ZFP82: variants seen among roughly 807,000 people sequenced by gnomAD.
ZFP82 encodes the protein zinc finger protein 82 homolog.
Under a neutral mutation model 54.0 loss-of-function variants are expected in ZFP82, and 30 were observed. The ratio of observed to expected loss-of-function variants is 0.56; its 90% CI spans 0.42 to 0.75. The LOEUF (loss-of-function observed/expected upper bound fraction) is 0.75. Among genes scored for constraint, ZFP82 ranks in the 30% least tolerant of loss-of-function variants. The pLI, the probability that ZFP82 is intolerant of heterozygous loss-of-function variation, is 0.00. For synonymous variants in ZFP82, 194 were observed against 209.5 expected, an observed-to-expected ratio of 0.93 and a Z score of 0.64; for missense variants, 500 against 636.8, an observed-to-expected ratio of 0.79 and a Z score of 2.31.
Position 36,405,667 on chromosome 19 carries a change from A to T in ZFP82, c.142T>A (p.Phe48Ile), listed in dbSNP as rs1201804253. The T allele has an allele frequency of 6.2e-7, 1 of 1,601,322 alleles. No individual in the cohort carries two copies. The highest frequency in any genetic ancestry group is 1.7e-5 in the Admixed American group (1 of 59,576). ...GAAATCACATCTGGTTTAGAAATGA[A>T]GCATCCTGCTTAGAAGAAAAGGAAT... ...NYSNLVSLGCFISKPDVISSL... is the reference protein window; with the variant it reads ...NYSNLVSLGCIISKPDVISSL... Residue 48 changes from phenylalanine to isoleucine, a missense_variant, in exon 4 of 5, where the codon TTC becomes ATC. Physicochemically the swap from Phe to Ile is conservative, Grantham distance 21 (BLOSUM62 0). Transcript: ENST00000392161.
At chr19:36,400,144 C>T (rs960159954) in intron 4 of ZFP82, among the ~76,000 whole-genome samples, 2 of 152,198 alleles carry the variant, frequency 1.3e-5, no homozygotes, top group Non-Finnish European at 2.9e-5. Flanking sequence ...GTCCATTAAA[C>T]ACTTCTGATG....
chr19:36,416,509 C>G (rs757137654), intron 1 of ZFP82, among the ~76,000 whole-genome samples: 2 of 152,148 alleles, frequency 1.3e-5, no homozygotes, highest in Non-Finnish European at 2.9e-5. Context: ...GTAATCCCAG[C>G]ACTTTGGGAG....
At chr19:36,405,887 A>G (rs1370715844) in intron 3 of ZFP82, among the ~76,000 whole-genome samples, 3 of 152,180 alleles carry the variant, frequency 2.0e-5, no homozygotes, top group Non-Finnish European at 4.4e-5. Flanking sequence ...TATTCATATA[A>G]GTGTTTCTTT....
At chr19:36,402,425 C>T (rs966776220) in intron 4 of ZFP82, among the ~76,000 whole-genome samples, 15 of 141,232 alleles carry the variant, frequency 1.1e-4, no homozygotes, top group East Asian at 4.2e-4. Context: ...GCTGAGATCA[C>T]GCCACTGCAC....
intron 1 of ZFP82, 136 bp from the exon 2 acceptor site, chr19:36,410,003 A>AT (rs1490287131): frequency 1.9e-6 from 1 of 532,686 alleles, no homozygotes; most frequent in Non-Finnish European, 3.4e-6. Context: ...GCACACACAC[A>AT]TAGGCAGAGA....
downstream of ZFP82, among the ~76,000 whole-genome samples, chr19:36,386,118 G>T (rs1034966372): frequency 6.6e-6 from 1 of 152,204 alleles, no homozygotes; most frequent in Non-Finnish European, 1.5e-5. Context: ...GCATTCTGGC[G>T]CTCTTTGAGG....
chr19:36,404,721 T>A (rs144733712), intron 4 of ZFP82, among the ~76,000 whole-genome samples: 1 of 152,250 alleles, frequency 6.6e-6, no homozygotes, highest in Admixed American at 6.5e-5. Flanking sequence ...TCAGCATACA[T>A]TTCTGTCTTA....
At chr19:36,410,566 G>C (rs538008029) in intron 1 of ZFP82, among the ~76,000 whole-genome samples, 2 of 151,750 alleles carry the variant, frequency 1.3e-5, no homozygotes, top group South Asian at 4.2e-4. Context: ...GCGGTGGCAC[G>C]ATCTCAGCTC....
chr19:36,410,108 T>C (rs2271844), intron 1 of ZFP82, among the ~76,000 whole-genome samples: 103,352 of 151,872 alleles, frequency 0.68, 35,454 homozygotes, highest in African/African-American at 0.76. Context: ...CAATCTTCCT[T>C]CTTCAAAGTT....
chr19:36,384,871 A>C (rs1205351398), downstream of ZFP82, among the ~76,000 whole-genome samples: 1 of 152,232 alleles, frequency 6.6e-6, no homozygotes, highest in Non-Finnish European at 1.5e-5. Flanking sequence ...TAGATGATTA[A>C]TGACTAATTA....
chr19:36,416,235 A>C (rs1237717260), intron 1 of ZFP82, among the ~76,000 whole-genome samples: 3 of 152,174 alleles, frequency 2.0e-5, no homozygotes, highest in Admixed American at 2.0e-4. Context: ...ATTAGACACT[A>C]ATTTTGTGTC....
At chr19:36,411,722 G>A (rs1375279978) in intron 1 of ZFP82, among the ~76,000 whole-genome samples, 1 of 151,808 alleles carries the variant, frequency 6.6e-6, no homozygotes, top group Non-Finnish European at 1.5e-5. Context: ...AAAATTAGCC[G>A]GGCATGGTGG....
chr19:36,417,072 CAAAAAAAAAAAAAAAAA>C lies in ZFP82; in HGVS notation c.-79+1403_-79+1419del, dbSNP rs140495874. ...TGGGTGACAGAGCAAGACCCTGTCT[CAAAAAAAAAAAAAAAAA>C]AAAAAAAAAAGAATTCCTGTTTTAG... is the stretch of plus-strand genomic sequence containing the variant. On this transcript the variant is annotated intron_variant, in intron 1 of 4. Coordinates refer to ENST00000392161, the MANE Select transcript of ZFP82 (RefSeq NM_133466.4). 6.4e-4 allele frequency among the ~76,000 whole-genome samples: 42 copies of C among 65,662 alleles called. 1 individual carries two copies. The highest frequency in any genetic ancestry group is 2.8e-3 in the South Asian group (4 of 1,424). 43.1% of individuals were successfully genotyped at this position (65,662 alleles called of 152,430 possible). A position where few individuals can be genotyped will look rare whatever the true frequency, so the allele number is the denominator to read the frequency against.
In ZFP82 at chr19:36,392,767, G is replaced by T. The variant is rs760697739; in HGVS notation, c.1573C>A (p.Leu525Met). Residue 525 changes from leucine (L) to methionine (M), a missense_variant, in exon 5 of 5, where the codon CTG becomes ATG. Transcript: ENST00000392161. ...TAGATTTTTACATTATGAATTTTCA[G>T]ATGATGAGTAAGGTGTGAATGTTGC... ...FRQHSHLTHH[L>M]KIHNVKI The T allele has an allele frequency of 6.4e-7, 1 of 1,567,288 alleles. No individual in the cohort carries two copies. The highest frequency in any genetic ancestry group is 8.6e-7 in the Non-Finnish European group (1 of 1,161,924).
intron 3 of ZFP82, 134 bp downstream of exon 3, chr19:36,407,753 A>C (rs2032509482): frequency 1.1e-6 from 1 of 892,734 alleles, no homozygotes; most frequent in Non-Finnish European, 1.7e-6. Flanking sequence ...CAATGAAATA[A>C]AGCTCAAAGT....
chr19:36,411,068 C>T (rs1043986100), intron 1 of ZFP82, among the ~76,000 whole-genome samples: 3 of 151,774 alleles, frequency 2.0e-5, no homozygotes, highest in Admixed American at 6.6e-5. Flanking sequence ...TGGCAGACGC[C>T]TATAATCCCA....
At position 36,392,996 on chromosome 19, in the gene ZFP82, T is replaced by C; in HGVS notation, c.1344A>G (p.Lys448=). Residue 448 remains lysine, a synonymous_variant, in exon 5 of 5, where the codon AAA becomes AAG. Transcript: ENST00000392161. ...TQHQSIHIGE[K]PYKCKECGKA... ...TGCCACATTCCTTACATTTATAAGG[T>C]TTCTCACCAATATGAATACTCTGAT... The C allele has an allele frequency of 6.2e-7, 1 of 1,614,160 alleles. No homozygotes were observed. Among genetic ancestry groups the C allele is most frequent in the South Asian group, 1.1e-5 (1 of 91,084 alleles).
At chr19:36,402,312 C>CA (rs532932711) in intron 4 of ZFP82, among the ~76,000 whole-genome samples, 4 of 151,202 alleles carry the variant, frequency 2.6e-5, no homozygotes, top group African/African-American at 9.7e-5. Flanking sequence ...ACTAAAAATA[C>CA]AAAAAAATTA....
chr19:36,415,363 A>G (rs1190843404), intron 1 of ZFP82, among the ~76,000 whole-genome samples: 2 of 152,122 alleles, frequency 1.3e-5, no homozygotes, highest in Non-Finnish European at 2.9e-5. Context: ...GAATAGTACT[A>G]AATATAGTTG....
Sources: allele counts gnomAD v4.1 joint callset (sites outside exome capture counted in the v4.1 genomes callset), GRCh38; gene constraint gnomAD v4.1.1; transcripts MANE v1.5; gene names NCBI Gene and HGNC (gene_info 2026-07-23, HGNC 2026-07-21).